Variants in DNAJA1 observed in about 807,000 individuals in gnomAD.
DNAJA1 encodes the protein dnaJ homolog subfamily A member 1.
Under a neutral mutation model 47.6 loss-of-function variants are expected in DNAJA1, and 26 were observed. That is an observed-to-expected ratio of 0.55 (90% CI 0.40 to 0.76). The LOEUF (loss-of-function observed/expected upper bound fraction) is 0.76. Among genes scored for constraint, DNAJA1 ranks in the 30% least tolerant of loss-of-function variants. The probability of loss-of-function intolerance (pLI) is 0.00; values close to 1 mark genes in which losing one functional copy is unlikely to be tolerated. For missense variants in DNAJA1, 315 were observed against 485.0 expected (o/e 0.65, Z 3.29); for synonymous variants, 165 against 158.4 (o/e 1.04, Z -0.31).
At chr9:33,026,712 C>T (rs1838867707) in intron 2 of DNAJA1, 96 bp downstream of exon 2, 4 of 1,564,710 alleles carry the variant, frequency 2.6e-6, no homozygotes, top group African/African-American at 1.4e-5. Context: ...AATATAGTAA[C>T]TATGATCACT....
intron 7 of DNAJA1, 141 bp from the exon 8 acceptor site, chr9:33,036,874 A>G (rs984687866): frequency 3.9e-5 from 33 of 846,126 alleles, no homozygotes; most frequent in African/African-American, 3.8e-4. Flanking sequence ...TGGAAAACCC[A>G]TAAGTGAAAG....
chr9:33,039,371 A>G lies in DNAJA1; in HGVS notation c.*468A>G, dbSNP rs1347033975. On this transcript the variant is annotated 3_prime_UTR_variant, in exon 9 of 9. Coordinates refer to ENST00000330899, the MANE Select transcript of DNAJA1 (RefSeq NM_001539.4). ...GTGGGATTCATTGTAATGCCTCTGC[A>G]TTTATTCTGTTGCCTCAGCTGTTAC... 6.5e-6 allele frequency: 1 copy of G among 152,966 alleles called. No individual in the cohort carries two copies. Among genetic ancestry groups the G allele is most frequent in the Non-Finnish European group, 1.5e-5 (1 of 68,728 alleles). The allele number at this position is 152,966 out of a possible 1,614,324, so 9.5% of individuals were successfully genotyped here.
In DNAJA1 at chr9:33,036,590, T is replaced by C. The variant is rs201657690; in HGVS notation, c.775T>C (p.Phe259Leu). ...TTTATGCAGACGAGGAGAAGACCTT[T>C]TCATGTGTATGGACATACAGCTCGT... ...AVFTRRGEDL[F>L]MCMDIQLVEA... Residue 259 changes from phenylalanine to leucine, a missense_variant, in exon 7 of 9, where the codon TTC becomes CTC. Physicochemically the swap from Phe to Leu is conservative, Grantham distance 22. Coordinates refer to ENST00000330899, the MANE Select transcript of DNAJA1 (RefSeq NM_001539.4). The C allele has an allele frequency of 6.2e-7, 1 of 1,610,560 alleles. No homozygotes were observed. Among genetic ancestry groups the C allele is most frequent in the African/African-American group, 1.3e-5 (1 of 74,828 alleles).
chr9:33,036,902 C>T, intron 7 of DNAJA1, 113 bp from the exon 8 acceptor site: 1 of 986,252 alleles, frequency 1.0e-6, no homozygotes, highest in Admixed American at 2.6e-5. Flanking sequence ...GATTGCTTTG[C>T]CACGTAAGTT....
chr9:33,025,939 C>T (rs944533207), intron 1 of DNAJA1, among the ~76,000 whole-genome samples: 1 of 152,104 alleles, frequency 6.6e-6, no homozygotes, highest in African/African-American at 2.4e-5. Flanking sequence ...ACTCTGCCAG[C>T]CTGAGGGGCG....
chr9:33,033,582 C>T (rs936092901), intron 5 of DNAJA1, among the ~76,000 whole-genome samples: 2 of 151,860 alleles, frequency 1.3e-5, no homozygotes, highest in African/African-American at 2.4e-5. Flanking sequence ...CCTGGCTACT[C>T]GGGAGGCTGA....
chr9:33,030,693 AGTCTT>A (rs1216897593), intron 5 of DNAJA1, 26 bp downstream of exon 5: 1 of 1,566,864 alleles, frequency 6.4e-7, no homozygotes, highest in South Asian at 1.1e-5. Flanking sequence ...CTTATTCTGA[AGTCTT>A]GAATGCTGTG....
intron 6 of DNAJA1, among the ~76,000 whole-genome samples, chr9:33,034,601 G>A (rs1839007421): frequency 6.6e-6 from 1 of 151,038 alleles, no homozygotes. Flanking sequence ...AACATCCCTG[G>A]ACAAAAATTT....
intron 8 of DNAJA1, 150 bp downstream of exon 8, chr9:33,037,265 A>G (rs974101157): frequency 2.0e-6 from 1 of 505,756 alleles, no homozygotes; most frequent in African/African-American, 2.0e-5. Flanking sequence ...TGAGCCCTGG[A>G]GTTTTGAGAA....
In DNAJA1 at chr9:33,039,863, G is replaced by A. The variant is rs1163764240; in HGVS notation, c.*960G>A. 1 of 152,002 alleles carries A rather than the reference G, an allele frequency of 6.6e-6. No homozygotes were observed. The highest frequency in any genetic ancestry group is 1.5e-5 in the Non-Finnish European group (1 of 67,990). The allele number at this position is 152,002 out of a possible 1,614,324, so 9.4% of individuals were successfully genotyped here. A position where few individuals can be genotyped will look rare whatever the true frequency, so the allele number is the denominator to read the frequency against. On this transcript the variant is annotated 3_prime_UTR_variant, in exon 9 of 9. Transcript: ENST00000330899. ...GGGTATCAGAATTTAAGCAATTCTT[G>A]AAATGTATTGTCTCCTTAATATACT...
intron 3 of DNAJA1, among the ~76,000 whole-genome samples, chr9:33,027,372 C>A (rs1239387009): frequency 6.6e-6 from 1 of 151,958 alleles, no homozygotes; most frequent in Admixed American, 6.6e-5. Flanking sequence ...TCACGCTGGT[C>A]TTGAACTGCA....
chr9:33,039,221 A>G lies in DNAJA1; in HGVS notation c.*318A>G, dbSNP rs1004558138. On this transcript the variant is annotated 3_prime_UTR_variant, in exon 9 of 9. Transcript: ENST00000330899. Reference sequence around the variant, plus strand: ...AAGCTTAGACTGAAATGCTAGGTATATGTATTGGCTTCAGTGTATGACCCT... The same window carrying G: ...AAGCTTAGACTGAAATGCTAGGTATGTGTATTGGCTTCAGTGTATGACCCT... 6.1e-6 allele frequency: 2 copies of G among 325,748 alleles called. No individual in the cohort carries two copies. Among genetic ancestry groups the G allele is most frequent in the Admixed American group, 9.2e-5 (2 of 21,742 alleles). 20.2% of individuals were successfully genotyped at this position (325,748 alleles called of 1,614,324 possible).
In DNAJA1 at chr9:33,028,168, G is replaced by A. The variant is rs1156624485; in HGVS notation, c.310+1178G>A. Among the ~76,000 whole-genome samples, 7 of 152,026 alleles carry A rather than the reference G, an allele frequency of 4.6e-5. No individual in the cohort carries two copies. The East Asian group carries it at 1.4e-3, about 29-fold the overall frequency. ...AGTGGCCTTTTTCAAATGGGAGTAA[G>A]TTAAAGTTCAGAAACCTAAAACTTC... is the stretch of plus-strand genomic sequence containing the variant. On this transcript the variant is annotated intron_variant, in intron 3 of 8. Coordinates refer to ENST00000330899, the MANE Select transcript of DNAJA1 (RefSeq NM_001539.4).
chr9:33,033,768 G>A (rs986479756), intron 5 of DNAJA1, among the ~76,000 whole-genome samples: 2 of 152,156 alleles, frequency 1.3e-5, no homozygotes, highest in South Asian at 2.1e-4. Context: ...TTACATTGCT[G>A]TTAGACTTTT....
chr9:33,030,322 C>A, intron 4 of DNAJA1, 118 bp from the exon 5 acceptor site: 1 of 906,660 alleles, frequency 1.1e-6, no homozygotes, highest in Non-Finnish European at 1.7e-6. Context: ...CAGAGGGTAG[C>A]ATTCCATCAG....
At position 33,026,540 on chromosome 9, in the gene DNAJA1, A is replaced by C. The variant is rs376009458; in HGVS notation, c.56A>C (p.Gln19Pro). 3.0e-5 allele frequency: 48 copies of C among 1,611,976 alleles called. No homozygotes were observed. In the East Asian group the frequency reaches 3.6e-4, roughly 12 times the overall value. ...DVLGVKPNAT[Q>P]EELKKAYRKL... ...TTGGGGGTCAAACCCAATGCTACTCAGGAAGAATTGAAAAAGGCTTATAGG... is the reference window on the plus strand; with the variant it reads ...TTGGGGGTCAAACCCAATGCTACTCCGGAAGAATTGAAAAAGGCTTATAGG... The change falls in exon 2 of 9, where the codon CAG becomes CCG. Residue 19 changes from glutamine (Q) to proline (P), a missense_variant. By Grantham distance (76) the Gln-to-Pro change is moderately conservative (BLOSUM62 -1). Transcript: ENST00000330899.
At chr9:33,026,747 A>G in intron 2 of DNAJA1, 66 bp from the exon 3 acceptor site, 4 of 1,584,196 alleles carry the variant, frequency 2.5e-6, no homozygotes, top group African/African-American at 1.4e-5. Flanking sequence ...GCTAAGATCA[A>G]GTGTAATGTA....
intron 5 of DNAJA1, 96 bp from the exon 6 acceptor site, chr9:33,034,120 A>AT (rs1400886858): frequency 3.6e-6 from 3 of 824,372 alleles, no homozygotes; most frequent in Non-Finnish European, 3.6e-6. Flanking sequence ...CATTTCTGTG[A>AT]TTTTTATGCA....
At chr9:33,037,324 A>C (rs550886605) in intron 8 of DNAJA1, 154 of 344,000 alleles carry the variant, frequency 4.5e-4, no homozygotes, top group Admixed American at 1.3e-3. Context: ...AAACAAAAAA[A>C]AAAAAAAATT....
Sources: allele counts gnomAD v4.1 joint callset (sites outside exome capture counted in the v4.1 genomes callset), GRCh38; gene constraint gnomAD v4.1.1; transcripts MANE v1.5; gene names NCBI Gene and HGNC (gene_info 2026-07-23, HGNC 2026-07-21).